SCHIP1: variants seen among roughly 807,000 people sequenced by gnomAD.
SCHIP1 encodes schwannomin-interacting protein 1.
SCHIP1 carries 8 observed loss-of-function variants against 29.7 expected under a neutral mutation model. The ratio of observed to expected loss-of-function variants is 0.27; its 90% CI spans 0.16 to 0.49. SCHIP1 has a LOEUF of 0.49. Ranked by LOEUF, SCHIP1 falls within the 20% of genes least tolerant of loss-of-function variation. SCHIP1 has a pLI of 0.99. For missense variants in SCHIP1, 193 were observed against 294.6 expected, an observed-to-expected ratio of 0.66 and a Z score of 2.52; for synonymous variants, 76 against 94.9, an observed-to-expected ratio of 0.80 and a Z score of 1.16.
the SCHIP1 span, among the ~76,000 whole-genome samples, chr3:159,301,101 A>G: frequency 9.2e-5 from 14 of 152,188 alleles, no homozygotes; most frequent in Middle Eastern, 3.2e-3. Context: ...GTACATATAT[A>G]TAGCACTTGA....
At chr3:159,828,803 C>T in the SCHIP1 span, among the ~76,000 whole-genome samples, 1 of 152,066 alleles carries the variant, frequency 6.6e-6, no homozygotes, top group African/African-American at 2.4e-5. Flanking sequence ...GCTATCTGTG[C>T]TGCTAAGATA....
chr3:159,356,948 A>C, the SCHIP1 span, among the ~76,000 whole-genome samples: 2 of 152,234 alleles, frequency 1.3e-5, no homozygotes, highest in African/African-American at 4.8e-5. Context: ...AAATGAATTC[A>C]ATTCTTTTAA....
chr3:159,446,317 C>T, the SCHIP1 span, among the ~76,000 whole-genome samples: 10 of 151,996 alleles, frequency 6.6e-5, no homozygotes, highest in African/African-American at 1.7e-4. Context: ...TAGTGTGCAA[C>T]AGGATATAAC....
the SCHIP1 span, among the ~76,000 whole-genome samples, chr3:159,590,521 A>T: frequency 2.8e-4 from 42 of 152,208 alleles, no homozygotes; most frequent in Non-Finnish European, 5.3e-4. Context: ...GGTTGCAGTG[A>T]GCTGAAATTG....
chr3:159,455,631 T>G, the SCHIP1 span, among the ~76,000 whole-genome samples: 1 of 152,228 alleles, frequency 6.6e-6, no homozygotes, highest in Non-Finnish European at 1.5e-5. Flanking sequence ...TCAGCAAGAT[T>G]ATGTAACTTG....
At chr3:159,702,118 C>G in the SCHIP1 span, among the ~76,000 whole-genome samples, 3 of 152,164 alleles carry the variant, frequency 2.0e-5, no homozygotes, top group Non-Finnish European at 4.4e-5. Flanking sequence ...TTGAATAATA[C>G]ATGAGCTTGA....
At chr3:159,742,188 T>C in the SCHIP1 span, among the ~76,000 whole-genome samples, 1 of 152,144 alleles carries the variant, frequency 6.6e-6, no homozygotes, top group Non-Finnish European at 1.5e-5. Context: ...ATTGTGCCAC[T>C]GCACTCCAGC....
chr3:159,418,090 A>G, the SCHIP1 span, among the ~76,000 whole-genome samples: 1 of 152,226 alleles, frequency 6.6e-6, no homozygotes, highest in Non-Finnish European at 1.5e-5. Flanking sequence ...TTTGTTAAGC[A>G]ACATTATTGT....
At chr3:159,310,261 A>T in the SCHIP1 span, among the ~76,000 whole-genome samples, 1 of 152,344 alleles carries the variant, frequency 6.6e-6, no homozygotes, top group South Asian at 2.1e-4. Flanking sequence ...GCCACAGTCA[A>T]ACTGAAGAAT....
the SCHIP1 span, among the ~76,000 whole-genome samples, chr3:159,659,802 G>A: frequency 6.6e-6 from 1 of 152,132 alleles, no homozygotes; most frequent in Non-Finnish European, 1.5e-5. Flanking sequence ...CCTGGAATTG[G>A]CAGAACAGAA....
the SCHIP1 span, among the ~76,000 whole-genome samples, chr3:159,785,410 G>A: frequency 2.6e-5 from 4 of 152,204 alleles, no homozygotes; most frequent in Middle Eastern, 3.4e-3. Flanking sequence ...TCATATTAAA[G>A]ACATGTTATC....
chr3:159,787,769 A>G, the SCHIP1 span, among the ~76,000 whole-genome samples: 15 of 152,270 alleles, frequency 9.9e-5, no homozygotes, highest in South Asian at 8.3e-4. Context: ...AGCATTTTCA[A>G]AGTTTCAAAC....
At chr3:159,473,674 G>GAAAAAAAAAAAAAAAAAAA in the SCHIP1 span, among the ~76,000 whole-genome samples, 6 of 81,440 alleles carry the variant, frequency 7.4e-5, no homozygotes, top group East Asian at 6.6e-4. Context: ...ATGTAACTAC[G>GAAAAAAAAAAAAAAAAAAA]AAAAAAAAAA....
the SCHIP1 span, among the ~76,000 whole-genome samples, chr3:159,288,831 G>C: frequency 2.6e-5 from 4 of 152,164 alleles, no homozygotes; most frequent in African/African-American, 9.7e-5. Flanking sequence ...GAATGGGAAT[G>C]GTCTGATTGT....
At chr3:159,363,089 A>ATACT in the SCHIP1 span, among the ~76,000 whole-genome samples, 1 of 152,200 alleles carries the variant, frequency 6.6e-6, no homozygotes, top group African/African-American at 2.4e-5. Flanking sequence ...AAACAAATGT[A>ATACT]TACTTACTCT....
At chr3:159,310,639 G>T in the SCHIP1 span, among the ~76,000 whole-genome samples, 1 of 152,134 alleles carries the variant, frequency 6.6e-6, no homozygotes, top group African/African-American at 2.4e-5. Context: ...TGTATAAAAT[G>T]ATAACACAAT....
At chr3:159,609,220 C>T in the SCHIP1 span, among the ~76,000 whole-genome samples, 800 of 152,146 alleles carry the variant, frequency 5.3e-3, 8 homozygotes, top group Non-Finnish European at 7.2e-3. Context: ...TCTAGTCGAT[C>T]CTTTAGCAAT....
At chr3:159,287,089 A>T in the SCHIP1 span, among the ~76,000 whole-genome samples, 6 of 151,832 alleles carry the variant, frequency 4.0e-5, no homozygotes, top group South Asian at 2.1e-4. Context: ...CTCATTTGTC[A>T]ATTTTTGTTT....
At chr3:159,488,028 T>C in the SCHIP1 span, among the ~76,000 whole-genome samples, 3 of 152,138 alleles carry the variant, frequency 2.0e-5, no homozygotes, top group Non-Finnish European at 1.5e-5. Flanking sequence ...TTTCCCAGCA[T>C]CCAAGAACCT....
Sources: allele counts gnomAD v4.1 joint callset (sites outside exome capture counted in the v4.1 genomes callset), GRCh38; gene constraint gnomAD v4.1.1; transcripts MANE v1.5; gene names NCBI Gene and HGNC (gene_info 2026-07-23, HGNC 2026-07-21).